The following LTN1 variants were observed in gnomAD, a reference collection of about 807,000 sequenced individuals.
LTN1 encodes listerin E3 ubiquitin protein ligase 1.
A neutral mutation model predicts 201.2 loss-of-function variants in LTN1; 88 were observed. The ratio of observed to expected loss-of-function variants is 0.44; its 90% CI spans 0.37 to 0.52. LTN1 has a LOEUF of 0.52. Ranked by LOEUF, LTN1 falls within the 20% of genes least tolerant of loss-of-function variation. The pLI is 0.00. For missense variants in LTN1, 1,752 were observed against 2,038.7 expected, an observed-to-expected ratio of 0.86 and a Z score of 2.71; for synonymous variants, 645 against 713.5, an observed-to-expected ratio of 0.90 and a Z score of 1.53.
Position 28,981,307 on chromosome 21 carries a change from T to C in LTN1, c.630-8A>G. ...TCTTCCTCTGGAACAGTTCTTGATA[T>C]AAAACAAAATAAATATATTTAAAAA... On this transcript the variant is annotated splice_region_variant and splice_polypyrimidine_tract_variant and intron_variant, in intron 5 of 29. Transcript: ENST00000361371. The C allele has an allele frequency of 7.1e-7, 1 of 1,408,828 alleles. No homozygotes were observed. Among genetic ancestry groups the C allele is most frequent in the South Asian group, 1.7e-5 (1 of 58,274 alleles). The allele number at this position is 1,408,828 out of a possible 1,614,324, so 87.3% of individuals were successfully genotyped here.
At position 28,928,388 on chromosome 21, in the gene LTN1, A is replaced by G. The variant is rs1364098960; in HGVS notation, c.*2060T>C. The stretch of plus-strand genomic sequence containing the variant: ...AAGCCACAGACACTTATGTACATAC[A>G]TTGGAGCATGTGATAAAAGAGTCAA... On this transcript the variant is annotated 3_prime_UTR_variant, in exon 30 of 30. Transcript: ENST00000361371. 6.6e-6 allele frequency: 1 copy of G among 152,562 alleles called. No homozygotes were observed. Among genetic ancestry groups the G allele is most frequent in the East Asian group, 1.9e-4 (1 of 5,194 alleles). 9.5% of individuals were successfully genotyped at this position (152,562 alleles called of 1,614,324 possible). A position where few individuals can be genotyped will look rare whatever the true frequency, so the allele number is the denominator to read the frequency against.
At chr21:28,944,054 T>C (rs1219417502) in intron 22 of LTN1, 150 bp from the exon 23 acceptor site, 2 of 627,130 alleles carry the variant, frequency 3.2e-6, no homozygotes, top group Admixed American at 2.8e-5. Flanking sequence ...ATGAACTGAA[T>C]ATATATTCCA....
intron 18 of LTN1, among the ~76,000 whole-genome samples, chr21:28,949,442 C>G (rs1257489267): frequency 6.6e-6 from 1 of 152,124 alleles, no homozygotes; most frequent in African/African-American, 2.4e-5. Flanking sequence ...TATTGTGCAA[C>G]TAATCTCCAG....
chr21:28,949,192 T>C (rs1287116523), intron 18 of LTN1, among the ~76,000 whole-genome samples: 2 of 152,252 alleles, frequency 1.3e-5, no homozygotes, highest in Non-Finnish European at 2.9e-5. Context: ...AAGTCTTTGA[T>C]AAATTTTCCA....
intron 11 of LTN1, chr21:28,964,706 T>C: frequency 1.9e-6 from 3 of 1,550,498 alleles, no homozygotes; most frequent in Non-Finnish European, 2.6e-6. Context: ...CAATCACTGC[T>C]CAGGAAGAGG....
At chr21:28,933,606 G>A (rs1355316091) in intron 27 of LTN1, among the ~76,000 whole-genome samples, 1 of 151,826 alleles carries the variant, frequency 6.6e-6, no homozygotes, top group East Asian at 1.9e-4. Context: ...ATCATTTCCT[G>A]GGCAACGACT....
At chr21:28,988,032 A>G (rs1407977680) in intron 1 of LTN1, among the ~76,000 whole-genome samples, 7 of 151,552 alleles carry the variant, frequency 4.6e-5, no homozygotes, top group Admixed American at 4.0e-4. Context: ...AATCCCAGCT[A>G]CTCGGGAGGC....
chr21:28,992,121 A>C (rs2084751050), intron 1 of LTN1, among the ~76,000 whole-genome samples: 1 of 152,216 alleles, frequency 6.6e-6, no homozygotes, highest in South Asian at 2.1e-4. Flanking sequence ...GGCTACCAAG[A>C]GGGTGATCAT....
intron 6 of LTN1, among the ~76,000 whole-genome samples, chr21:28,973,272 G>T (rs963695002): frequency 6.7e-6 from 1 of 150,276 alleles, no homozygotes; most frequent in South Asian, 2.1e-4. Context: ...ACTTGAATCC[G>T]GAAGGCGGAG....
At chr21:28,931,449 G>C (rs2084210389) in intron 28 of LTN1, 127 bp from the exon 29 acceptor site, 1 of 587,940 alleles carries the variant, frequency 1.7e-6, no homozygotes, top group Non-Finnish European at 3.0e-6. Flanking sequence ...CTATGTTCAT[G>C]TCTCCCAACT....
intron 23 of LTN1, 109 bp downstream of exon 23, chr21:28,943,558 G>T: frequency 1.2e-6 from 1 of 856,462 alleles, no homozygotes; most frequent in Non-Finnish European, 1.8e-6. Flanking sequence ...GAAGCAGTCA[G>T]ATCTCCTTCT....
At chr21:28,948,582 G>A (rs565921877) in intron 18 of LTN1, among the ~76,000 whole-genome samples, 10 of 152,010 alleles carry the variant, frequency 6.6e-5, no homozygotes, top group Non-Finnish European at 1.5e-4. Context: ...ACTGATATTC[G>A]TATTTGTGCA....
chr21:28,936,168 A>C (rs1037202398), intron 26 of LTN1, among the ~76,000 whole-genome samples: 2 of 152,202 alleles, frequency 1.3e-5, no homozygotes, highest in Non-Finnish European at 2.9e-5. Context: ...AACCAGATAC[A>C]TGCATATCTG....
intron 6 of LTN1, among the ~76,000 whole-genome samples, chr21:28,972,042 G>C (rs1362505630): frequency 2.0e-5 from 3 of 152,168 alleles, no homozygotes; most frequent in African/African-American, 7.2e-5. Flanking sequence ...TCACCAGTGT[G>C]ATAGTATTAA....
chr21:28,934,018 A>G (rs1462348082), intron 27 of LTN1, among the ~76,000 whole-genome samples: 1 of 152,072 alleles, frequency 6.6e-6, no homozygotes, highest in African/African-American at 2.4e-5. Context: ...TTTTCCCCAT[A>G]ACAAAATCCT....
At chr21:28,945,662 G>C in intron 21 of LTN1, 145 bp downstream of exon 21, 2 of 636,504 alleles carry the variant, frequency 3.1e-6, no homozygotes, top group Non-Finnish European at 5.1e-6. Context: ...ATAGTAGCTG[G>C]TAAGAAGAAC....
At chr21:28,971,237 T>C (rs749368851) in intron 7 of LTN1, 34 bp downstream of exon 7, 2 of 1,509,548 alleles carry the variant, frequency 1.3e-6, no homozygotes, top group Non-Finnish European at 1.8e-6. Context: ...ATAGGTTCAT[T>C]CCTCAGTGTA....
intron 6 of LTN1, among the ~76,000 whole-genome samples, chr21:28,976,492 TG>T (rs917695756): frequency 1.3e-4 from 19 of 150,436 alleles, no homozygotes; most frequent in African/African-American, 4.4e-4. Context: ...TCCAGCTACT[TG>T]GGAGGCTGAG....
chr21:28,942,420 C>A (rs907326533), intron 24 of LTN1, among the ~76,000 whole-genome samples: 2 of 152,060 alleles, frequency 1.3e-5, no homozygotes, highest in African/African-American at 4.8e-5. Context: ...GACCAAATCC[C>A]CCCAAAAAAG....
Sources: gnomAD v4.1 joint callset for allele counts (sites outside exome capture counted in the v4.1 genomes callset) on GRCh38, gnomAD v4.1.1 for gene constraint, MANE v1.5 for transcripts, NCBI Gene and HGNC (gene_info 2026-07-23, HGNC 2026-07-21) for gene names.